ASPH: variants seen among roughly 807,000 people sequenced by gnomAD.
ASPH encodes aspartyl/asparaginyl beta-hydroxylase.
Under a neutral mutation model 118.4 loss-of-function variants are expected in ASPH, and 100 were observed. The ratio of observed to expected loss-of-function variants is 0.84; its 90% CI spans 0.72 to 1.00. The LOEUF (loss-of-function observed/expected upper bound fraction) is 1.00. Ranked by LOEUF, ASPH falls within the 50% of genes least tolerant of loss-of-function variation. The pLI is 0.00. For missense variants in ASPH, 920 were observed against 919.5 expected, an observed-to-expected ratio of 1.00 and a Z score of -0.01; for synonymous variants, 315 against 325.6, an observed-to-expected ratio of 0.97 and a Z score of 0.35.
intron 1 of ASPH, among the ~76,000 whole-genome samples, chr8:61,704,056 G>A (rs535654558): frequency 8.8e-4 from 132 of 150,722 alleles, no homozygotes; most frequent in Non-Finnish European, 1.6e-3. Flanking sequence ...TTAGCCGGGC[G>A]TAGTGGCGGG....
chr8:61,681,921 G>A (rs571524526), intron 2 of ASPH, among the ~76,000 whole-genome samples: 1 of 152,070 alleles, frequency 6.6e-6, no homozygotes, highest in African/African-American at 2.4e-5. Context: ...GACAATGACT[G>A]TGGAGAAACA....
At chr8:61,678,982 C>T (rs998305699) in intron 3 of ASPH, among the ~76,000 whole-genome samples, 71 of 152,068 alleles carry the variant, frequency 4.7e-4, no homozygotes, top group African/African-American at 1.5e-3. Flanking sequence ...AGTAACCTTC[C>T]AGTAACAGAG....
intron 1 of ASPH, among the ~76,000 whole-genome samples, chr8:61,686,720 C>T (rs1830686132): frequency 6.6e-6 from 1 of 152,118 alleles, no homozygotes; most frequent in African/African-American, 2.4e-5. Flanking sequence ...AATTTCCTGC[C>T]TTTGCTACTT....
intron 12 of ASPH, among the ~76,000 whole-genome samples, chr8:61,636,951 T>C (rs1174683449): frequency 6.6e-6 from 1 of 152,142 alleles, no homozygotes; most frequent in African/African-American, 2.4e-5. Context: ...CAGGGGTCTC[T>C]CGCAGCAGCT....
intron 13 of ASPH, chr8:61,628,330 T>C (rs1214300333): frequency 7.1e-6 from 2 of 279,922 alleles, no homozygotes; most frequent in South Asian, 2.8e-5. Flanking sequence ...CGGCTTTTTT[T>C]TTTTTTTTTT....
intron 17 of ASPH, among the ~76,000 whole-genome samples, chr8:61,565,847 T>C (rs2131646966): frequency 6.6e-6 from 1 of 152,356 alleles, no homozygotes; most frequent in African/African-American, 2.4e-5. Context: ...TTGAAGCCAG[T>C]GCTCACTTAC....
chr8:61,703,002 A>G (rs1170160524), intron 1 of ASPH, among the ~76,000 whole-genome samples: 1 of 152,238 alleles, frequency 6.6e-6, no homozygotes, highest in Non-Finnish European at 1.5e-5. Flanking sequence ...CACATCTAAC[A>G]TAAACACAGA....
rs557468298 is a variant in ASPH at position 61,714,309 on chromosome 8, A to C, written c.63T>G (p.Gly21=). 3.3e-6 allele frequency: 5 copies of C among 1,522,102 alleles called. No homozygotes were observed. In the Admixed American group the frequency reaches 8.3e-5, roughly 25 times the overall value. 94.3% of individuals were successfully genotyped at this position (1,522,102 alleles called of 1,614,324 possible). ...GNSSSSGSGS[G]STSAGSSSPG... is the part of the protein sequence containing the mutation. ...GGCTGCTGCTGCCCGCACTCGTGCT[A>C]CCGCTGCCGGAGCCGCTGCTGCTGC... The change falls in exon 1 of 25, where the codon GGT becomes GGG. Residue 21 remains glycine, a synonymous_variant. Coordinates refer to ENST00000379454, the MANE Select transcript of ASPH (RefSeq NM_004318.4).
chr8:61,566,354 C>T (rs1310849772), intron 17 of ASPH, among the ~76,000 whole-genome samples: 1 of 152,168 alleles, frequency 6.6e-6, no homozygotes, highest in Non-Finnish European at 1.5e-5. Flanking sequence ...TTGCTGCAAT[C>T]TCATGATCAA....
intron 15 of ASPH, chr8:61,579,223 T>C (rs1418712382): frequency 1.5e-5 from 24 of 1,613,646 alleles, no homozygotes; most frequent in Middle Eastern, 3.6e-4. Context: ...GAGGCCGCCA[T>C]TGCAGATGCC....
chr8:61,639,190 G>A (rs956735185), intron 10 of ASPH, among the ~76,000 whole-genome samples: 3 of 152,102 alleles, frequency 2.0e-5, no homozygotes, highest in Admixed American at 6.5e-5. Context: ...ATTTAAACAT[G>A]CTCAAGCTTC....
intron 3 of ASPH, chr8:61,663,994 T>TA (rs1195669498): frequency 8.0e-6 from 7 of 870,574 alleles, no homozygotes; most frequent in Non-Finnish European, 9.6e-6. Context: ...AAATATGTTT[T>TA]AAAAAATAAA....
chr8:61,643,349 T>A, intron 9 of ASPH, 37 bp downstream of exon 9: 1 of 1,579,388 alleles, frequency 6.3e-7, no homozygotes, highest in Non-Finnish European at 8.6e-7. Flanking sequence ...AAATCTAAGG[T>A]AATATTTTAA....
At chr8:61,692,601 T>C (rs1362886024) in intron 1 of ASPH, among the ~76,000 whole-genome samples, 1 of 152,052 alleles carries the variant, frequency 6.6e-6, no homozygotes, top group African/African-American at 2.4e-5. Context: ...ACCTTCCAGG[T>C]GAAAATCCAT....
At chr8:61,651,186 A>T (rs1290294559) in intron 4 of ASPH, 62 bp from the exon 5 acceptor site, 1 of 1,369,976 alleles carries the variant, frequency 7.3e-7, no homozygotes, top group Non-Finnish European at 1.0e-6. Context: ...GACCCCTAAC[A>T]CTCAAATATG....
At chr8:61,511,398 C>A (rs1051310598) in intron 24 of ASPH, among the ~76,000 whole-genome samples, 51 of 152,194 alleles carry the variant, frequency 3.4e-4, no homozygotes, top group African/African-American at 1.2e-3. Context: ...TGCAGGAGAG[C>A]TCCAAGGTCA....
chr8:61,548,033 C>T, intron 21 of ASPH, 38 bp downstream of exon 21: 2 of 1,536,092 alleles, frequency 1.3e-6, no homozygotes, highest in Non-Finnish European at 1.8e-6. Context: ...AGGAAATAGA[C>T]AAAGATCTGG....
chr8:61,531,126 G>C (rs1817417249), intron 21 of ASPH, among the ~76,000 whole-genome samples: 1 of 151,970 alleles, frequency 6.6e-6, no homozygotes, highest in Non-Finnish European at 1.5e-5. Context: ...GCTTTATTTT[G>C]TAATGCACTT....
chr8:61,540,988 G>C (rs1033223919), intron 21 of ASPH, among the ~76,000 whole-genome samples: 2 of 151,966 alleles, frequency 1.3e-5, no homozygotes, highest in African/African-American at 4.8e-5. Flanking sequence ...GGCCGGGCAC[G>C]GTGGCTCACA....
Sources: allele counts gnomAD v4.1 joint callset (sites outside exome capture counted in the v4.1 genomes callset), GRCh38; gene constraint gnomAD v4.1.1; transcripts MANE v1.5; gene names NCBI Gene and HGNC (gene_info 2026-07-23, HGNC 2026-07-21).